Variants in LRP8 observed in about 807,000 individuals in gnomAD.
LRP8 encodes low-density lipoprotein receptor-related protein 8.
LRP8 carries 46 observed loss-of-function variants against 111.6 expected under a neutral mutation model. The ratio of observed to expected loss-of-function variants is 0.41; its 90% CI spans 0.33 to 0.53. The LOEUF is 0.53. Ranked by LOEUF, LRP8 falls within the 20% of genes least tolerant of loss-of-function variation. LRP8 has a pLI of 0.20. For synonymous variants in LRP8, 464 were observed against 511.2 expected (o/e 0.91, Z 1.24); for missense variants, 959 against 1,297.4 (o/e 0.74, Z 4.01).
chr1:53,316,530 GC>G (rs1653827593), intron 2 of LRP8, among the ~76,000 whole-genome samples: 1 of 152,210 alleles, frequency 6.6e-6, no homozygotes, highest in Non-Finnish European at 1.5e-5. Flanking sequence ...GGATTTCACA[GC>G]CCCTGCCCCC....
chr1:53,272,142 T>C (rs1324986268), intron 6 of LRP8, among the ~76,000 whole-genome samples: 1 of 151,980 alleles, frequency 6.6e-6, no homozygotes, highest in Non-Finnish European at 1.5e-5. Flanking sequence ...TTCTCTCCTA[T>C]CATGAACTAA....
intron 2 of LRP8, among the ~76,000 whole-genome samples, chr1:53,323,512 G>A (rs1462383887): frequency 6.6e-6 from 1 of 152,232 alleles, no homozygotes; most frequent in South Asian, 2.1e-4. Flanking sequence ...GCTGGCCTAC[G>A]TGACCCAGGC....
chr1:53,327,306 G>T, intron 1 of LRP8: 1 of 329,164 alleles, frequency 3.0e-6, no homozygotes, highest in Non-Finnish European at 5.6e-6. Context: ...CAGCCCATAG[G>T]GAGTCCCCGC....
rs573298949 is a variant in LRP8, at chr1:53,317,397, A to T, written c.244+9476T>A. 4.6e-5 allele frequency among the ~76,000 whole-genome samples: 7 copies of T among 152,232 alleles called. No homozygotes were observed. In the East Asian group the frequency reaches 1.4e-3, roughly 30 times the overall value. ...GCTGGCTAACCAGCCCCACTGGGCC[A>T]CTCAGGAAGCAGCCACCCTGGGGCC... On this transcript the variant is annotated intron_variant, in intron 2 of 18. Coordinates refer to ENST00000306052, the MANE Select transcript of LRP8 (RefSeq NM_004631.5). The surrounding 1 kb of genome is among the most constrained non-coding windows in gnomAD (Gnocchi z 4.9).
In LRP8 at chr1:53,257,390, C is replaced by T. The variant is rs772488315; in HGVS notation, c.2284G>A (p.Gly762Arg). 53 of 1,613,962 alleles carry T rather than the reference C, an allele frequency of 3.3e-5. No individual in the cohort carries two copies. In the Admixed American group the frequency reaches 4.5e-4, roughly 14 times the overall value. ...TAGGTGGATCTGTGGACGGTGGTCC[C>T]GGGGGCTCTTGTGGTGGCAGGTACT... The part of the protein sequence containing the change: ...RTVPATTRAP[G>R]TTVHRSTYQN... The change falls in exon 15 of 19, where the codon GGG (glycine) becomes AGG (arginine). Residue 762 changes from glycine (G) to arginine (R), a missense_variant. This residue lies in a region of LRP8 where 819 missense variants were observed against 1,097.6 expected (regional missense o/e 0.75). Transcript: ENST00000306052.
rs1421340467 is a variant in LRP8 at position 53,317,556 on chromosome 1, C to T, written c.244+9317G>A. Among the ~76,000 whole-genome samples, 3 of 152,200 alleles carry T rather than the reference C, an allele frequency of 2.0e-5. No homozygotes were observed. Among genetic ancestry groups the T allele is most frequent in the Non-Finnish European group, 2.9e-5 (2 of 68,040 alleles). On this transcript the variant is annotated intron_variant, in intron 2 of 18. Coordinates refer to ENST00000306052, the MANE Select transcript of LRP8 (RefSeq NM_004631.5). This position sits in a 1 kb window ranked among gnomAD's most constrained non-coding sequence, Gnocchi z 4.9. The stretch of plus-strand genomic sequence containing the variant: ...CTCTCCTGCTGCTATTTTGCTGCTG[C>T]CCTCTTGTTGTGTCCTTGGTGGAGG...
chr1:53,324,712 C>T (rs979501151), intron 2 of LRP8, among the ~76,000 whole-genome samples: 2 of 152,226 alleles, frequency 1.3e-5, no homozygotes, highest in Non-Finnish European at 2.9e-5. Context: ...GAGCGTCACT[C>T]AGCACCCAGC....
chr1:53,257,136 T>C, intron 15 of LRP8, 104 bp downstream of exon 15: 3 of 1,009,748 alleles, frequency 3.0e-6, no homozygotes, highest in South Asian at 1.5e-5. Context: ...CTCAAAGATA[T>C]GCAGTATTCA....
chr1:53,322,483 G>T (rs553969282), intron 2 of LRP8, among the ~76,000 whole-genome samples: 2 of 152,182 alleles, frequency 1.3e-5, no homozygotes, highest in Non-Finnish European at 2.9e-5. Context: ...GAAGCAGCAG[G>T]AGGGTGAGAG....
chr1:53,280,409 G>A (rs1451447976), intron 4 of LRP8, among the ~76,000 whole-genome samples, 178 bp downstream of exon 4: 2 of 152,178 alleles, frequency 1.3e-5, no homozygotes, highest in African/African-American at 4.8e-5. Flanking sequence ...TGCTTGTGAA[G>A]ATGAAAGAAG....
intron 2 of LRP8, among the ~76,000 whole-genome samples, chr1:53,310,772 A>G (rs1487237063): frequency 6.6e-6 from 1 of 152,142 alleles, no homozygotes; most frequent in East Asian, 1.9e-4. Flanking sequence ...CCATCCCAGG[A>G]GGTATGCAAG....
chr1:53,319,098 T>C (rs989427247), intron 2 of LRP8, among the ~76,000 whole-genome samples: 9 of 152,198 alleles, frequency 5.9e-5, no homozygotes, highest in Admixed American at 1.3e-4. Context: ...TCTCTTATCC[T>C]CTCTGAGCCT....
rs750191300 is a variant in LRP8 at position 53,279,598 on chromosome 1, A to AG, written c.496+988_496+989insC. On this transcript the variant is annotated intron_variant, in intron 4 of 18. Transcript: ENST00000306052. The surrounding 1 kb of genome is among the most constrained non-coding windows in gnomAD (Gnocchi z 4.4). The stretch of plus-strand genomic sequence containing the variant: ...CATCAAATTCCAGACTTAGAATCTT[A>AG]AAGTGTGACGACTCAGACACCTCTG... 4.6e-5 allele frequency among the ~76,000 whole-genome samples: 7 copies of AG among 152,242 alleles called. No individual in the cohort carries two copies. The highest frequency in any genetic ancestry group is 7.2e-5 in the African/African-American group (3 of 41,464).
At chr1:53,270,258 A>T (rs1319576772) in intron 8 of LRP8, among the ~76,000 whole-genome samples, 1 of 152,236 alleles carries the variant, frequency 6.6e-6, no homozygotes, top group Non-Finnish European at 1.5e-5. Flanking sequence ...CATGCTAGAT[A>T]TGAGCAGAGA....
chr1:53,301,309 A>G (rs2100496097), intron 2 of LRP8, among the ~76,000 whole-genome samples: 1 of 152,290 alleles, frequency 6.6e-6, no homozygotes, highest in East Asian at 1.9e-4. Context: ...TATGGAGTTG[A>G]GTGACAGGTT....
chr1:53,258,148 G>A, intron 14 of LRP8, 171 bp downstream of exon 14: 1 of 534,548 alleles, frequency 1.9e-6, no homozygotes, highest in East Asian at 3.2e-5. Context: ...AGGATCCTGG[G>A]GGCATGAGCA....
Position 53,327,839 on chromosome 1 carries a change from T to TGCAGCAGCA in LRP8, c.65_73dup (p.Leu22_Leu24dup), listed in dbSNP as rs764027862. ...CGCTGCCGCCGCAAGATGCTGGAGC[T>TGCAGCAGCA]GCAGCAGCAGCAGCAGCAGCAGCAG... On this transcript the variant is annotated inframe_insertion, in exon 1 of 19. Coordinates refer to ENST00000306052, the MANE Select transcript of LRP8 (RefSeq NM_004631.5). 2.0e-5 allele frequency: 30 copies of TGCAGCAGCA among 1,486,886 alleles called. No individual in the cohort carries two copies. Among genetic ancestry groups the TGCAGCAGCA allele is most frequent in the African/African-American group, 2.9e-5 (2 of 68,468 alleles). 92.1% of individuals were successfully genotyped at this position (1,486,886 alleles called of 1,614,324 possible). A position where few individuals can be genotyped will look rare whatever the true frequency, so the allele number is the denominator to read the frequency against.
At chr1:53,318,153 CATAG>C (rs1421002393) in intron 2 of LRP8, among the ~76,000 whole-genome samples, 1 of 152,012 alleles carries the variant, frequency 6.6e-6, no homozygotes, top group Non-Finnish European at 1.5e-5. Context: ...AAGTTAGGGG[CATAG>C]ATAGAAGAAT....
At chr1:53,301,661 G>T (rs947336556) in intron 2 of LRP8, among the ~76,000 whole-genome samples, 4 of 151,882 alleles carry the variant, frequency 2.6e-5, no homozygotes, top group African/African-American at 9.7e-5. Context: ...AGCCCGGGAG[G>T]TTGAGGCTGC....
Sources: gnomAD v4.1 joint callset for allele counts (sites outside exome capture counted in the v4.1 genomes callset) on GRCh38, gnomAD v4.1.1 for gene constraint, gnomAD v4.1.1 regional missense constraint, Gnocchi (gnomAD v3.1) non-coding constraint, MANE v1.5 for transcripts, NCBI Gene and HGNC (gene_info 2026-07-23, HGNC 2026-07-21) for gene names.